SOX5: variants seen among roughly 807,000 people sequenced by gnomAD.
SOX5 encodes SRY-box transcription factor 5.
In SOX5, 9 loss-of-function variants were observed where a neutral mutation model predicts 92.0. The ratio of observed to expected loss-of-function variants is 0.10; its 90% confidence interval spans 0.06 to 0.17. SOX5 has a LOEUF of 0.17. Ranked by LOEUF, SOX5 falls within the 10% of genes least tolerant of loss-of-function variation. SOX5 has a pLI of 1.00. For missense variants in SOX5, 642 were observed against 944.5 expected (o/e 0.68, Z 4.20); for synonymous variants, 344 against 336.3 (o/e 1.02, Z -0.25).
chr12:23,578,180 C>T (rs1949540802), intron 9 of SOX5, among the ~76,000 whole-genome samples: 1 of 129,314 alleles, frequency 7.7e-6, no homozygotes, highest in Non-Finnish European at 1.6e-5. Context: ...CCTAATTGTT[C>T]AATCTGAAAC....
chr12:24,295,702 A>C (rs1455453068), intron 2 of SOX5, among the ~76,000 whole-genome samples: 2 of 151,760 alleles, frequency 1.3e-5, no homozygotes, highest in Non-Finnish European at 2.9e-5. Context: ...ATCAGCTGGG[A>C]TTACAGGCGC....
chr12:24,395,305 C>T (rs914125164), intron 1 of SOX5, among the ~76,000 whole-genome samples: 1 of 151,790 alleles, frequency 6.6e-6, no homozygotes, highest in Non-Finnish European at 1.5e-5. Flanking sequence ...AACCACAAAT[C>T]AGTGTCTGGT....
At chr12:24,050,234 TCAC>T (rs1299598086) in intron 4 of SOX5, among the ~76,000 whole-genome samples, 1 of 152,058 alleles carries the variant, frequency 6.6e-6, no homozygotes, top group African/African-American at 2.4e-5. Context: ...GGTAGAAAAA[TCAC>T]CAGTCATATG....
At chr12:23,537,285 T>TCCTA (rs1940739083) in intron 13 of SOX5, among the ~76,000 whole-genome samples, 1 of 152,210 alleles carries the variant, frequency 6.6e-6, no homozygotes, top group Admixed American at 6.5e-5. Context: ...GATGTCTTTT[T>TCCTA]CCTACCTTTC....
intron 4 of SOX5, among the ~76,000 whole-genome samples, chr12:24,008,412 G>T (rs921149949): frequency 3.3e-5 from 5 of 152,036 alleles, no homozygotes; most frequent in African/African-American, 1.2e-4. Flanking sequence ...GACACAACAG[G>T]TTTAACAGAT....
intron 6 of SOX5, among the ~76,000 whole-genome samples, chr12:23,672,675 G>A (rs1450222143): frequency 6.6e-6 from 1 of 151,932 alleles, no homozygotes; most frequent in East Asian, 1.9e-4. Context: ...AGATATAATA[G>A]AAACTGAAAT....
At chr12:23,688,545 C>T (rs59216984) in intron 6 of SOX5, among the ~76,000 whole-genome samples, 21 of 152,138 alleles carry the variant, frequency 1.4e-4, no homozygotes, top group African/African-American at 5.1e-4. Context: ...AGTGGCCTAA[C>T]CAGTATCTGC....
chr12:24,512,173 T>C (rs1949383956), intron 1 of SOX5, among the ~76,000 whole-genome samples: 1 of 152,202 alleles, frequency 6.6e-6, no homozygotes, highest in Non-Finnish European at 1.5e-5. Flanking sequence ...CCTTCCTCTA[T>C]GCCAGAAGTT....
chr12:23,647,189 C>G (rs112351140), intron 7 of SOX5, among the ~76,000 whole-genome samples: 1 of 152,286 alleles, frequency 6.6e-6, no homozygotes, highest in African/African-American at 2.4e-5. Context: ...CCTTGTACAC[C>G]ACCATCAGAG....
At chr12:23,951,284 T>C (rs965076070), upstream of SOX5, among the ~76,000 whole-genome samples, 1 of 150,538 alleles carries the variant, frequency 6.6e-6, no homozygotes, top group East Asian at 2.0e-4. Flanking sequence ...AAAAAAAAAA[T>C]AAAAGCCAGA....
chr12:23,984,694 T>C (rs1238277681), intron 4 of SOX5, among the ~76,000 whole-genome samples: 3 of 152,108 alleles, frequency 2.0e-5, no homozygotes, highest in African/African-American at 4.8e-5. Context: ...AATGCCAAAA[T>C]AAGAGTGTAT....
chr12:23,965,130 G>A (rs755484143), intron 4 of SOX5, among the ~76,000 whole-genome samples: 1 of 152,204 alleles, frequency 6.6e-6, no homozygotes, highest in Non-Finnish European at 1.5e-5. Flanking sequence ...ACCCTAGCAG[G>A]ACACCATCTA....
intron 1 of SOX5, among the ~76,000 whole-genome samples, chr12:24,452,981 C>T (rs1942529603): frequency 6.6e-6 from 1 of 152,174 alleles, no homozygotes; most frequent in Non-Finnish European, 1.5e-5. Context: ...AAAATCCTTA[C>T]TAGACTTGTT....
At chr12:24,046,491 A>G (rs370064426) in intron 4 of SOX5, among the ~76,000 whole-genome samples, 2 of 152,292 alleles carry the variant, frequency 1.3e-5, no homozygotes, top group East Asian at 3.9e-4. Flanking sequence ...TCCTAATTGT[A>G]TGATATTAAA....
chr12:23,971,121 C>CTTTTTTTT (rs71059953), intron 4 of SOX5, among the ~76,000 whole-genome samples: 5,052 of 85,680 alleles, frequency 0.059, 995 homozygotes, highest in African/African-American at 0.091. Context: ...TGTCAGCTGA[C>CTTTTTTTT]TTTTTTTTTT....
At chr12:23,810,175 C>A (rs957993527) in intron 3 of SOX5, among the ~76,000 whole-genome samples, 2 of 152,096 alleles carry the variant, frequency 1.3e-5, no homozygotes, top group Non-Finnish European at 2.9e-5. Context: ...CCTTTTTATG[C>A]TTTCCAAGTT....
At chr12:24,029,521 C>A (rs919219975) in intron 4 of SOX5, among the ~76,000 whole-genome samples, 1 of 151,864 alleles carries the variant, frequency 6.6e-6, no homozygotes, top group Non-Finnish European at 1.5e-5. Flanking sequence ...GCGATCCCCC[C>A]ACTTCAGCCT....
intron 11 of SOX5, among the ~76,000 whole-genome samples, chr12:23,546,878 G>A (rs942453673): frequency 3.3e-5 from 5 of 152,122 alleles, no homozygotes; most frequent in Non-Finnish European, 7.4e-5. Flanking sequence ...CCCTCTGGTT[G>A]CCATCTTCCC....
chr12:24,197,668 C>A (rs953501870), intron 4 of SOX5, among the ~76,000 whole-genome samples: 4 of 152,188 alleles, frequency 2.6e-5, no homozygotes, highest in Non-Finnish European at 4.4e-5. Context: ...CCTTCCTAGA[C>A]ACGAGCTAAC....
Sources: gnomAD v4.1 joint callset for allele counts (sites outside exome capture counted in the v4.1 genomes callset) on GRCh38, gnomAD v4.1.1 for gene constraint, MANE v1.5 for transcripts, NCBI Gene and HGNC (gene_info 2026-07-23, HGNC 2026-07-21) for gene names.